The following BARX1 variants were observed in gnomAD, a reference collection of about 807,000 sequenced individuals.
The protein encoded by BARX1 is homeobox protein BarH-like 1.
A neutral mutation model predicts 19.6 loss-of-function variants in BARX1; 10 were observed. The ratio of observed to expected loss-of-function variants is 0.51; its 90% confidence interval spans 0.31 to 0.86. The LOEUF is 0.86. Among genes scored for constraint, BARX1 ranks in the 40% least tolerant of loss-of-function variants. BARX1 has a pLI of 0.04. For missense variants in BARX1, 309 were observed against 360.4 expected, an observed-to-expected ratio of 0.86 and a Z score of 1.15; for synonymous variants, 177 against 170.0, an observed-to-expected ratio of 1.04 and a Z score of -0.32.
At chr9:93,952,843 G>A (rs1829118303) in intron 2 of BARX1, 30 bp from the exon 3 acceptor site, 5 of 1,613,756 alleles carry the variant, frequency 3.1e-6, no homozygotes, top group Admixed American at 1.7e-5. Context: ...CCCTCAGCAA[G>A]GCAAGTGACC....
chr9:93,952,304 A>G lies in BARX1; in HGVS notation c.625T>C (p.Ser209Pro). 1 of 1,609,842 alleles carries G rather than the reference A, an allele frequency of 6.2e-7. No homozygotes were observed. The highest frequency in any genetic ancestry group is 8.5e-7 in the Non-Finnish European group (1 of 1,179,706). ...GGCCGCCCCTTGGGCTTGGTGGGAGACTCCAGGCCGCCGCCCTGCAGCACC... is the reference window on the plus strand; with the variant it reads ...GGCCGCCCCTTGGGCTTGGTGGGAGGCTCCAGGCCGCCGCCCTGCAGCACC... ...KIVLQGGGLE[S>P]PTKPKGRPKK... The change falls in exon 4 of 4, where the codon TCT becomes CCT. Residue 209 changes from serine to proline, a missense_variant. Ser to Pro is a moderately conservative substitution (Grantham distance 74). Transcript: ENST00000253968.
intron 1 of BARX1, among the ~76,000 whole-genome samples, chr9:93,954,492 C>A (rs1829138449): frequency 6.6e-6 from 1 of 152,208 alleles, no homozygotes; most frequent in Admixed American, 6.5e-5. Context: ...GGAGCGCAGG[C>A]CTCCTCCCCA....
At chr9:93,953,390 C>A in intron 1 of BARX1, 3 of 581,760 alleles carry the variant, frequency 5.2e-6, no homozygotes, top group Non-Finnish European at 8.7e-6. Flanking sequence ...GAGGGAGTAT[C>A]TCCTCGACCC....
chr9:93,952,072 C>T lies in BARX1; in HGVS notation c.*92G>A, dbSNP rs1829107696. 1 of 1,473,924 alleles carries T rather than the reference C, an allele frequency of 6.8e-7. No homozygotes were observed. Among genetic ancestry groups the T allele is most frequent in the African/African-American group, 1.4e-5 (1 of 71,448 alleles). The allele number at this position is 1,473,924 out of a possible 1,614,324, so 91.3% of individuals were successfully genotyped here. ...ATAAAAAGGCTTAGGAAGTAAACTTCTTGGACGCGGAAGGGCCGGCTCGCG... is the reference window on the plus strand; with the variant it reads ...ATAAAAAGGCTTAGGAAGTAAACTTTTTGGACGCGGAAGGGCCGGCTCGCG... On this transcript the variant is annotated 3_prime_UTR_variant, in exon 4 of 4. Coordinates refer to ENST00000253968, the MANE Select transcript of BARX1 (RefSeq NM_021570.4).
At position 93,954,907 on chromosome 9, in the gene BARX1, G is replaced by A. The variant is rs911625913; in HGVS notation, c.223+17C>T. On this transcript the variant is annotated intron_variant, in intron 1 of 3. Transcript: ENST00000253968. ...CCCGCCAAGCCCGGCCCGCGACCCC[G>A]CGGCCGCCACACGTACCCAGGTGGC... The A allele has an allele frequency of 4.6e-6, 6 of 1,298,214 alleles. No individual in the cohort carries two copies. Among genetic ancestry groups the A allele is most frequent in the Non-Finnish European group, 5.8e-6 (6 of 1,030,062 alleles). 80.4% of individuals were successfully genotyped at this position (1,298,214 alleles called of 1,614,324 possible). A position where few individuals can be genotyped will look rare whatever the true frequency, so the allele number is the denominator to read the frequency against.
At chr9:93,953,332 G>A (rs1355359830) in intron 1 of BARX1, 145 bp from the exon 2 acceptor site, 54 of 969,974 alleles carry the variant, frequency 5.6e-5, no homozygotes, top group Non-Finnish European at 7.5e-5. Flanking sequence ...GTCGGCGCCG[G>A]TGGCGCAGAT....
chr9:93,953,655 C>A (rs1193590173), intron 1 of BARX1, among the ~76,000 whole-genome samples: 1 of 152,258 alleles, frequency 6.6e-6, no homozygotes, highest in African/African-American at 2.4e-5. Flanking sequence ...AACAGCCATG[C>A]GGTGGCCAGG....
Position 93,952,730 on chromosome 9 carries a change from A to G in BARX1, c.599T>C (p.Ile200Thr). 1 of 1,613,984 alleles carries G rather than the reference A, an allele frequency of 6.2e-7. No individual in the cohort carries two copies. The highest frequency in any genetic ancestry group is 1.1e-5 in the South Asian group (1 of 91,070). The change falls in exon 3 of 4, where the codon ATA becomes ACA. Residue 200 changes from isoleucine to threonine, a missense_variant and splice_region_variant. Around this residue, in one of 3 missense-constraint regions of BARX1, gnomAD observed 71 missense variants for 80.4 expected, o/e 0.88. Transcript: ENST00000253968. ...TGGGAAGCCACCAGGCACACTCACTATTTTCTTCCACTTCATCCTCCGATT... is the reference window on the plus strand; with the variant it reads ...TGGGAAGCCACCAGGCACACTCACTGTTTTCTTCCACTTCATCCTCCGATT... Reference protein sequence around the residue: ...YQNRRMKWKKIVLQGGGLESP... With the variant: ...YQNRRMKWKKTVLQGGGLESP...
chr9:93,953,340 G>A (rs556879736), intron 1 of BARX1, 153 bp from the exon 2 acceptor site: 1 of 838,360 alleles, frequency 1.2e-6, no homozygotes, highest in South Asian at 2.0e-5. Context: ...CGGTGGCGCA[G>A]ATGGAGACCC....
chr9:93,955,250 C>T lies in BARX1; in HGVS notation c.-104G>A. 1 of 443,592 alleles carries T rather than the reference C, an allele frequency of 2.3e-6. No homozygotes were observed. Among genetic ancestry groups the T allele is most frequent in the Non-Finnish European group, 3.0e-6 (1 of 338,516 alleles). The allele number at this position is 443,592 out of a possible 1,614,324, so 27.5% of individuals were successfully genotyped here. A position where few individuals can be genotyped will look rare whatever the true frequency, so the allele number is the denominator to read the frequency against. On this transcript the variant is annotated 5_prime_UTR_variant, in exon 1 of 4. Coordinates refer to ENST00000253968, the MANE Select transcript of BARX1 (RefSeq NM_021570.4). The surrounding 1 kb of genome is among the most constrained non-coding windows in gnomAD (Gnocchi z 4.4). Reference sequence around the variant, plus strand: ...CTCTAGGCCGGCCCGCAGCTCGGGGCGGCGCGCGGGCGCCGGCTCATGCCC... The same window carrying T: ...CTCTAGGCCGGCCCGCAGCTCGGGGTGGCGCGCGGGCGCCGGCTCATGCCC...
chr9:93,952,845 C>G, intron 2 of BARX1, 32 bp from the exon 3 acceptor site: 3 of 1,613,822 alleles, frequency 1.9e-6, no homozygotes, highest in Non-Finnish European at 2.5e-6. Context: ...CTCAGCAAGG[C>G]AAGTGACCAC....
In BARX1 at chr9:93,952,765, C is replaced by A; in HGVS notation, c.564G>T (p.Thr188=). 1 of 1,614,210 alleles carries A rather than the reference C, an allele frequency of 6.2e-7. No individual in the cohort carries two copies. Among genetic ancestry groups the A allele is most frequent in the Non-Finnish European group, 8.5e-7 (1 of 1,180,038 alleles). The change falls in exon 3 of 4, where the codon ACG becomes ACT. Residue 188 remains threonine, a synonymous_variant. Coordinates refer to ENST00000253968, the MANE Select transcript of BARX1 (RefSeq NM_021570.4). The stretch of plus-strand genomic sequence containing the variant: ...ACTTCATCCTCCGATTCTGGTACCA[C>A]GTCTTCACCTGCAACTGGCTCAGGC... ...SLGLSQLQVK[T]WYQNRRMKWK... is the part of the protein sequence containing the mutation.
Position 93,955,082 on chromosome 9 carries a change from CG to C in BARX1, c.64del (p.Arg22GlyfsTer9). 7.3e-7 allele frequency: 1 copy of C among 1,369,536 alleles called. No individual in the cohort carries two copies. The allele number at this position is 1,369,536 out of a possible 1,614,324, so 84.8% of individuals were successfully genotyped here. ...FGPPEGCADH[R>X]PHRYRSFMIE... ...CATGAAGCTGCGATAGCGGTGCGGC[CG>C]GTGGTCCGCGCAGCCCTCGGGCGGG... On this transcript the variant is annotated frameshift_variant, in exon 1 of 4. Transcript: ENST00000253968. LOFTEE classifies it high-confidence loss of function. The surrounding 1 kb of genome is among the most constrained non-coding windows in gnomAD (Gnocchi z 4.4).
chr9:93,953,089 G>A lies in BARX1; in HGVS notation c.322C>T (p.Leu108=). The A allele has an allele frequency of 8.4e-6, 13 of 1,555,260 alleles. No individual in the cohort carries two copies. Among genetic ancestry groups the A allele is most frequent in the Non-Finnish European group, 1.1e-5 (13 of 1,150,668 alleles). The stretch of plus-strand genomic sequence containing the variant: ...TGTGGCGCACCCGCGGCGCCGGGCA[G>A]CCCGGGCCCTGCCGCCAGCAACGCA... ...SSALLAAGPG[L]PGAAGAPHLP... The change falls in exon 2 of 4, where the codon CTG becomes TTG. Residue 108 remains leucine, a synonymous_variant. Coordinates refer to ENST00000253968, the MANE Select transcript of BARX1 (RefSeq NM_021570.4).
rs1355630371 is a variant in BARX1, at chr9:93,952,888, C to T, written c.515+8G>A. 1.2e-6 allele frequency: 2 copies of T among 1,607,544 alleles called. No homozygotes were observed. Among genetic ancestry groups the T allele is most frequent in the Admixed American group, 3.4e-5 (2 of 58,630 alleles). The stretch of plus-strand genomic sequence containing the variant: ...CAGCCCGCTGGCCCCAGCCTTGTAC[C>T]GCCCTACCTGTCCGGCGTGGAAAGG... On this transcript the variant is annotated splice_region_variant and intron_variant, in intron 2 of 3. Coordinates refer to ENST00000253968, the MANE Select transcript of BARX1 (RefSeq NM_021570.4).
intron 1 of BARX1, among the ~76,000 whole-genome samples, chr9:93,953,859 G>T (rs1026279942): frequency 6.6e-6 from 1 of 152,228 alleles, no homozygotes; most frequent in Non-Finnish European, 1.5e-5. Flanking sequence ...AAAGGTAGCC[G>T]AATGGCCGAG....
At position 93,955,175 on chromosome 9, in the gene BARX1, T is replaced by TGTC; in HGVS notation, c.-30_-29insGAC. 1.2e-5 allele frequency: 12 copies of TGTC among 991,778 alleles called. No individual in the cohort carries two copies. Among genetic ancestry groups the TGTC allele is most frequent in the Non-Finnish European group, 1.4e-5 (12 of 832,142 alleles). 61.4% of individuals were successfully genotyped at this position (991,778 alleles called of 1,614,324 possible). A position where few individuals can be genotyped will look rare whatever the true frequency, so the allele number is the denominator to read the frequency against. On this transcript the variant is annotated 5_prime_UTR_variant, in exon 1 of 4. Transcript: ENST00000253968. The surrounding 1 kb of genome is among the most constrained non-coding windows in gnomAD (Gnocchi z 4.4). ...GGCGCCCACTGCTGCGCCCGCGGTT[T>TGTC]GGCGGCGGCGGCGGCGACGGCTTGG...
Position 93,952,961 on chromosome 9 carries a change from G to A in BARX1, c.450C>T (p.Thr150=), listed in dbSNP as rs1375773417. The A allele has an allele frequency of 7.6e-6, 12 of 1,571,026 alleles. No homozygotes were observed. The highest frequency in any genetic ancestry group is 9.5e-6 in the Non-Finnish European group (11 of 1,158,210). The change falls in exon 2 of 4, where the codon ACC becomes ACT. Residue 150 remains threonine (T), a synonymous_variant. Transcript: ENST00000253968. ...KKGRRSRTVF[T]ELQLMGLEKR... ...TCTCCAGGCCCATCAGCTGCAGCTCGGTGAACACAGTGCGGCTCCGACGCC... is the reference window on the plus strand; with the variant it reads ...TCTCCAGGCCCATCAGCTGCAGCTCAGTGAACACAGTGCGGCTCCGACGCC...
At position 93,951,976 on chromosome 9, in the gene BARX1, G is replaced by C; in HGVS notation, c.*188C>G. The C allele has an allele frequency of 1.3e-6, 1 of 772,104 alleles. No individual in the cohort carries two copies. The highest frequency in any genetic ancestry group is 2.0e-6 in the Non-Finnish European group (1 of 495,510). The allele number at this position is 772,104 out of a possible 1,614,324, so 47.8% of individuals were successfully genotyped here. A position where few individuals can be genotyped will look rare whatever the true frequency, so the allele number is the denominator to read the frequency against. ...CCAGGTTAGAGCCCAGAAGCGCGCT[G>C]GGACCTGGGTCTGGCTTTTGGGTCT... On this transcript the variant is annotated 3_prime_UTR_variant, in exon 4 of 4. Transcript: ENST00000253968.
Sources: allele counts gnomAD v4.1 joint callset (sites outside exome capture counted in the v4.1 genomes callset), GRCh38; gene constraint gnomAD v4.1.1; regional missense constraint gnomAD v4.1.1; non-coding constraint Gnocchi (gnomAD v3.1); transcripts MANE v1.5; gene names NCBI Gene and HGNC (gene_info 2026-07-23, HGNC 2026-07-21).